CKMT2: variants seen among roughly 807,000 people sequenced by gnomAD.
The protein encoded by CKMT2 is creatine kinase S-type, mitochondrial.
A neutral mutation model predicts 48.9 loss-of-function variants in CKMT2; 43 were observed. That is an observed-to-expected ratio of 0.88 (90% confidence interval 0.69 to 1.13). The LOEUF is 1.13. Ranked by LOEUF, CKMT2 falls within the 50% of genes most tolerant of loss-of-function variation. The probability of loss-of-function intolerance (pLI) is 0.00; values close to 1 mark genes in which losing one functional copy is unlikely to be tolerated. For missense variants in CKMT2, 472 were observed against 555.4 expected (o/e 0.85, Z 1.51); for synonymous variants, 206 against 213.0 (o/e 0.97, Z 0.29).
intron 1 of CKMT2, among the ~76,000 whole-genome samples, chr5:81,243,401 T>C (rs1341245881): frequency 5.3e-4 from 80 of 152,078 alleles, no homozygotes; most frequent in Non-Finnish European, 1.0e-4. Context: ...TAGGGGGTGA[T>C]AAGAAGCAAG....
At chr5:81,257,065 T>C in intron 6 of CKMT2, 65 bp downstream of exon 6, 1 of 1,349,502 alleles carries the variant, frequency 7.4e-7, no homozygotes, top group Non-Finnish European at 1.1e-6. Context: ...CACCTGCTTA[T>C]CCTAACCTGG....
Position 81,250,940 on chromosome 5 carries a change from AACACAC to A in CKMT2, c.-20-139_-20-134del, listed in dbSNP as rs142418532. Among the ~76,000 whole-genome samples, 1,169 of 133,072 alleles carry A rather than the reference AACACAC, an allele frequency of 8.8e-3. 13 individuals carry two copies. Among genetic ancestry groups the A allele is most frequent in the East Asian group, 0.027 (125 of 4,700 alleles). The allele number at this position is 133,072 out of a possible 152,430, so 87.3% of individuals were successfully genotyped here. On this transcript the variant is annotated intron_variant, in intron 1 of 9. Transcript: ENST00000254035. ...GAAAAAAGCAAAGCAAGAAATAGAA[AACACAC>A]ACACACACACACACACACACACACA... is the stretch of plus-strand genomic sequence containing the variant.
In CKMT2 at chr5:81,259,762, C is replaced by T. The variant is rs1044132803; in HGVS notation, c.1014+508C>T. On this transcript the variant is annotated intron_variant, in intron 8 of 9. Coordinates refer to ENST00000254035, the MANE Select transcript of CKMT2 (RefSeq NM_001099735.2). ...GAGACCTACAATGAGACTTAGACTC[C>T]CACACAATAACAGTGAGAGACTTTA... Among the ~76,000 whole-genome samples, 163 of 152,284 alleles carry T rather than the reference C, an allele frequency of 1.1e-3. 1 individual carries two copies. The highest frequency in any genetic ancestry group is 1.7e-3 in the East Asian group (9 of 5,186).
rs1448476739 is a variant in CKMT2, at chr5:81,266,138, G to C, written c.1141-1G>C. Reference sequence around the variant, plus strand: ...ATCATTCATCTTCTTCACTGTCAAAGGTTGAGCTTGTTCAGATAGTCATCG... The same window carrying C: ...ATCATTCATCTTCTTCACTGTCAAACGTTGAGCTTGTTCAGATAGTCATCG... On this transcript the variant is annotated splice_acceptor_variant, in intron 9 of 9. Transcript: ENST00000254035. LOFTEE classifies it high-confidence loss of function. 1 of 1,612,110 alleles carries C rather than the reference G, an allele frequency of 6.2e-7. No homozygotes were observed. The highest frequency in any genetic ancestry group is 2.2e-5 in the East Asian group (1 of 44,830).
chr5:81,262,778 C>T (rs1757267818), intron 8 of CKMT2, among the ~76,000 whole-genome samples: 7 of 152,290 alleles, frequency 4.6e-5, no homozygotes, highest in African/African-American at 2.4e-5. Context: ...GGCAATTCCT[C>T]AAGGATCTAG....
intron 1 of CKMT2, among the ~76,000 whole-genome samples, chr5:81,237,340 T>C (rs1367711685): frequency 1.3e-5 from 2 of 152,090 alleles, no homozygotes; most frequent in African/African-American, 2.4e-5. Flanking sequence ...TGTCCCGTCG[T>C]CTTCACAACA....
intron 1 of CKMT2, among the ~76,000 whole-genome samples, 173 bp from the exon 2 acceptor site, chr5:81,250,940 A>AAC (rs142418532): frequency 0.2 from 27,109 of 132,964 alleles, 2,649 homozygotes; most frequent in East Asian, 0.29. Flanking sequence ...AGAAATAGAA[A>AAC]ACACACACAC....
intron 2 of CKMT2, chr5:81,252,417 C>G (rs959877237): frequency 2.1e-6 from 1 of 466,754 alleles, no homozygotes; most frequent in Admixed American, 3.4e-5. Context: ...TAAGACAGCA[C>G]CCAATTTGAT....
Position 81,252,746 on chromosome 5 carries a change from C to T in CKMT2, c.204C>T (p.Leu68=), listed in dbSNP as rs370540481. The T allele has an allele frequency of 1.2e-6, 2 of 1,614,118 alleles. No individual in the cohort carries two copies. The highest frequency in any genetic ancestry group is 2.7e-5 in the African/African-American group (2 of 74,944). The change falls in exon 3 of 10, where the codon CTC becomes CTT. Residue 68 remains leucine, a synonymous_variant. Transcript: ENST00000254035. The part of the protein sequence containing the change: ...RKHNNCMAEC[L]TPAIYAKLRN... ...ACAACAACTGCATGGCCGAGTGCCT[C>T]ACCCCCGCCATTTATGCCAAGCTTC...
chr5:81,252,684 T>C lies in CKMT2; in HGVS notation c.153-11T>C. The C allele has an allele frequency of 6.2e-7, 1 of 1,613,886 alleles. No individual in the cohort carries two copies. The highest frequency in any genetic ancestry group is 8.5e-7 in the Non-Finnish European group (1 of 1,179,936). On this transcript the variant is annotated splice_polypyrimidine_tract_variant and intron_variant, in intron 2 of 9. Transcript: ENST00000254035. ...GCTGCTGGCTGACAGCCTGCCCTCCTCCCCACACAGCGCAGACTACCCAGA... is the reference window on the plus strand; with the variant it reads ...GCTGCTGGCTGACAGCCTGCCCTCCCCCCCACACAGCGCAGACTACCCAGA...
intron 1 of CKMT2, among the ~76,000 whole-genome samples, chr5:81,247,200 C>G (rs934220058): frequency 9.2e-5 from 14 of 152,164 alleles, no homozygotes; most frequent in Admixed American, 6.5e-5. Context: ...ATGCTCAGAA[C>G]ATGGAGGGAA....
In CKMT2 at chr5:81,266,231, C is replaced by T. The variant is rs143186014; in HGVS notation, c.1233C>T (p.Pro411=). 2 of 1,613,214 alleles carry T rather than the reference C, an allele frequency of 1.2e-6. No individual in the cohort carries two copies. Among genetic ancestry groups the T allele is most frequent in the Non-Finnish European group, 8.5e-7 (1 of 1,179,290 alleles). Residue 411 remains proline, a synonymous_variant, in exon 10 of 10, where the codon CCC becomes CCT. Transcript: ENST00000254035. Reference sequence around the variant, plus strand: ...GAGGCCAAGATATTAAGGTGCCACCCCCTCTGCCTCAGTTTGGCAAAAAGT... The same window carrying T: ...GAGGCCAAGATATTAAGGTGCCACCTCCTCTGCCTCAGTTTGGCAAAAAGT... ...LERGQDIKVP[P]PLPQFGKK
chr5:81,235,019 C>G (rs1297614300), intron 1 of CKMT2, among the ~76,000 whole-genome samples: 4 of 152,184 alleles, frequency 2.6e-5, no homozygotes, highest in Non-Finnish European at 5.9e-5. Flanking sequence ...CAGAGACTCC[C>G]TCCCTTGGGC....
chr5:81,236,080 C>T (rs6877435), intron 1 of CKMT2: 13,512 of 152,282 alleles, frequency 0.089, 792 homozygotes, highest in Non-Finnish European at 0.13. Flanking sequence ...CAGAGTGGAG[C>T]GGGCAGAGAT....
At chr5:81,250,940 A>AACACACAC (rs142418532) in intron 1 of CKMT2, among the ~76,000 whole-genome samples, 173 bp from the exon 2 acceptor site, 2,968 of 133,040 alleles carry the variant, frequency 0.022, 63 homozygotes, top group African/African-American at 0.049. Context: ...AGAAATAGAA[A>AACACACAC]ACACACACAC....
intron 1 of CKMT2, among the ~76,000 whole-genome samples, chr5:81,248,803 C>T (rs4704714): frequency 0.45 from 68,983 of 152,068 alleles, 16,352 homozygotes; most frequent in Admixed American, 0.58. Flanking sequence ...TGATTTGTTA[C>T]TTGCACACAT....
chr5:81,255,391 C>T (rs1756969814), intron 5 of CKMT2, among the ~76,000 whole-genome samples, 177 bp downstream of exon 5: 1 of 152,342 alleles, frequency 6.6e-6, no homozygotes. Flanking sequence ...AAGACGAGGC[C>T]ACACATTGTA....
At chr5:81,256,852 C>A in intron 5 of CKMT2, 63 bp from the exon 6 acceptor site, 2 of 1,185,632 alleles carry the variant, frequency 1.7e-6, no homozygotes, top group Non-Finnish European at 2.5e-6. Flanking sequence ...GTTCACCTGG[C>A]ACTTGCAGTC....
At position 81,264,145 on chromosome 5, in the gene CKMT2, C is replaced by T. The variant is rs964947723; in HGVS notation, c.1140+529C>T. ...TGTGCTAGGTTTAGATAAGTTTGTG[C>T]TCATAAAATCCTTAGGATTCTGTGA... On this transcript the variant is annotated intron_variant, in intron 9 of 9. Transcript: ENST00000254035. Among the ~76,000 whole-genome samples the T allele has an allele frequency of 5.9e-5, 9 of 152,276 alleles. No homozygotes were observed. The Middle Eastern group carries it at 0.014, about 230-fold the overall frequency.
Sources: gnomAD v4.1 joint callset for allele counts (sites outside exome capture counted in the v4.1 genomes callset) on GRCh38, gnomAD v4.1.1 for gene constraint, MANE v1.5 for transcripts, NCBI Gene and HGNC (gene_info 2026-07-23, HGNC 2026-07-21) for gene names.